Variants in ARHGAP12 observed in about 807,000 individuals in gnomAD.
ARHGAP12 encodes the protein Rho GTPase activating protein 12.
In ARHGAP12, 64 loss-of-function variants were observed where a neutral mutation model predicts 108.6. The ratio of observed to expected loss-of-function variants is 0.59; its 90% CI spans 0.48 to 0.73. ARHGAP12 has a LOEUF of 0.73. ARHGAP12 is among the 30% of genes least tolerant of loss of function. ARHGAP12 has a pLI of 0.00. For missense variants in ARHGAP12, 940 were observed against 1,005.9 expected (o/e 0.93, Z 0.89); for synonymous variants, 312 against 337.2 (o/e 0.93, Z 0.82).
Position 31,807,596 on chromosome 10 carries a change from G to T in ARHGAP12, c.*62C>A. On this transcript the variant is annotated 3_prime_UTR_variant, in exon 20 of 20. Coordinates refer to ENST00000344936, the MANE Select transcript of ARHGAP12 (RefSeq NM_018287.7). Reference sequence around the variant, plus strand: ...TGGTCCAAAAAATAAAATACATTGTGTATAAACATTTGAAATCTGATGGAA... The same window carrying T: ...TGGTCCAAAAAATAAAATACATTGTTTATAAACATTTGAAATCTGATGGAA... The T allele has an allele frequency of 6.6e-7, 1 of 1,507,730 alleles. No individual in the cohort carries two copies. The highest frequency in any genetic ancestry group is 8.9e-7 in the Non-Finnish European group (1 of 1,117,642). 93.4% of individuals were successfully genotyped at this position (1,507,730 alleles called of 1,614,324 possible).
intron 9 of ARHGAP12, among the ~76,000 whole-genome samples, chr10:31,833,332 A>AT (rs35256454): frequency 0.28 from 36,560 of 130,968 alleles, 4,754 homozygotes; most frequent in Middle Eastern, 0.32. Flanking sequence ...CTGAATTTGT[A>AT]TTAAAAAAAA....
rs77130176 is a variant in ARHGAP12 at position 31,924,335 on chromosome 10, T to C, written c.-111+4348A>G. ...ACTGTGGTACAATCCATCTCTAAAA[T>C]AGGAAACAGTACAAACCTCAAAAGA... On this transcript the variant is annotated intron_variant, in intron 1 of 19. Transcript: ENST00000344936. Among the ~76,000 whole-genome samples the C allele has an allele frequency of 9.2e-3, 1,400 of 152,048 alleles. 12 individuals carry two copies. Among genetic ancestry groups the C allele is most frequent in the African/African-American group, 0.032 (1,333 of 41,474 alleles).
chr10:31,892,549 C>A (rs868524167), intron 3 of ARHGAP12, among the ~76,000 whole-genome samples: 2 of 152,198 alleles, frequency 1.3e-5, no homozygotes, highest in Non-Finnish European at 2.9e-5. Context: ...ACAAGAAGAG[C>A]TAACTATCCT....
intron 11 of ARHGAP12, among the ~76,000 whole-genome samples, chr10:31,824,009 A>G (rs1156237868): frequency 6.6e-6 from 1 of 152,176 alleles, no homozygotes; most frequent in East Asian, 1.9e-4. Context: ...AGAGTTAAAG[A>G]GCATCTTGTA....
chr10:31,863,172 G>T (rs1326457168), intron 3 of ARHGAP12, among the ~76,000 whole-genome samples: 3 of 152,072 alleles, frequency 2.0e-5, no homozygotes, highest in African/African-American at 7.2e-5. Context: ...TAAAACGTTA[G>T]CTTCAAATTT....
At chr10:31,819,012 A>T (rs552994597) in intron 12 of ARHGAP12, among the ~76,000 whole-genome samples, 54 of 152,244 alleles carry the variant, frequency 3.5e-4, no homozygotes, top group Non-Finnish European at 2.6e-4. Context: ...CTGCTCTGTT[A>T]TAGGTTCTTA....
intron 3 of ARHGAP12, among the ~76,000 whole-genome samples, chr10:31,887,904 G>A (rs904009894): frequency 1.2e-4 from 18 of 152,052 alleles, no homozygotes; most frequent in Admixed American, 3.9e-4. Flanking sequence ...TGATCCGCCC[G>A]CCTCAGCCTC....
chr10:31,864,495 C>T (rs536152989), intron 3 of ARHGAP12, among the ~76,000 whole-genome samples: 2 of 152,250 alleles, frequency 1.3e-5, no homozygotes, highest in South Asian at 4.1e-4. Flanking sequence ...CCTATAGATT[C>T]CATAAATACA....
intron 13 of ARHGAP12, among the ~76,000 whole-genome samples, 158 bp from the exon 14 acceptor site, chr10:31,814,519 CT>C (rs1001136872): frequency 6.6e-6 from 1 of 152,138 alleles, no homozygotes; most frequent in African/African-American, 2.4e-5. Flanking sequence ...TTGATAAATA[CT>C]TTTTTTCTCC....
At chr10:31,853,922 G>A (rs2799019) in intron 5 of ARHGAP12, 144 bp downstream of exon 5, 404,047 of 835,044 alleles carry the variant, frequency 0.48, 99,730 homozygotes, top group Middle Eastern at 0.56. Context: ...CTGAGTTTTC[G>A]TATTGTCAAT....
intron 1 of ARHGAP12, among the ~76,000 whole-genome samples, chr10:31,924,327 C>T (rs1327454597): frequency 6.6e-6 from 1 of 152,166 alleles, no homozygotes; most frequent in Non-Finnish European, 1.5e-5. Flanking sequence ...TACAATCCAT[C>T]TCTAAAATAG....
At chr10:31,813,273 G>T (rs1053479863) in intron 14 of ARHGAP12, among the ~76,000 whole-genome samples, 5 of 152,002 alleles carry the variant, frequency 3.3e-5, no homozygotes, top group African/African-American at 1.2e-4. Context: ...CAAATATATA[G>T]AGATATAAAT....
At chr10:31,837,913 G>A (rs893434403) in intron 9 of ARHGAP12, among the ~76,000 whole-genome samples, 1 of 152,112 alleles carries the variant, frequency 6.6e-6, no homozygotes, top group Non-Finnish European at 1.5e-5. Flanking sequence ...ACTGTGGGAG[G>A]TAATGGGGTA....
rs746102504 is a variant in ARHGAP12, at chr10:31,843,522, T to C, written c.1235A>G (p.Gln412Arg). ...CCACTTTGTTAATACTATTGGTTCT[T>C]GCAGCCGCCTGTCCAGGCTCCTACT... is the stretch of plus-strand genomic sequence containing the variant. ...IKSRSLDRRL[Q>R]EPIVLTKWRH... The change falls in exon 7 of 20, where the codon CAA (glutamine) becomes CGA (arginine). Residue 412 changes from glutamine (Q) to arginine (R), a missense_variant. Transcript: ENST00000344936. 1.9e-6 allele frequency: 3 copies of C among 1,613,298 alleles called. No individual in the cohort carries two copies. Among genetic ancestry groups the C allele is most frequent in the South Asian group, 2.2e-5 (2 of 91,032 alleles).
rs1157991710 is a variant in ARHGAP12 at position 31,839,677 on chromosome 10, T to G, written c.1331A>C (p.Glu444Ala). The G allele has an allele frequency of 2.5e-6, 4 of 1,609,140 alleles. No homozygotes were observed. The highest frequency in any genetic ancestry group is 2.5e-6 in the Non-Finnish European group (3 of 1,176,848). The stretch of plus-strand genomic sequence containing the variant: ...TGGTGAGGAGGGAGAAGACTCATTT[T>G]CAGGAAAGCAGGGTTTTGAGGCAGT... Reference protein sequence around the residue: ...SPTASKPCFPENESSPSSPKH... With the variant: ...SPTASKPCFPANESSPSSPKH... The change falls in exon 8 of 20, where the codon GAA (glutamate) becomes GCA (alanine). Residue 444 changes from glutamate (E) to alanine (A), a missense_variant. By Grantham distance (107) the Glu-to-Ala change is moderately radical. Coordinates refer to ENST00000344936, the MANE Select transcript of ARHGAP12 (RefSeq NM_018287.7).
chr10:31,889,349 T>C (rs1032004395), intron 3 of ARHGAP12, among the ~76,000 whole-genome samples: 1 of 152,210 alleles, frequency 6.6e-6, no homozygotes, highest in Non-Finnish European at 1.5e-5. Flanking sequence ...TTTGATTAAA[T>C]AATGCTCTGC....
intron 13 of ARHGAP12, 37 bp downstream of exon 13, chr10:31,817,751 C>T (rs757140350): frequency 7.2e-7 from 1 of 1,394,334 alleles, no homozygotes; most frequent in Non-Finnish European, 9.8e-7. Context: ...AGAAAAACAG[C>T]TCTGAAGTAA....
At chr10:31,844,729 T>G (rs1347481525) in intron 6 of ARHGAP12, among the ~76,000 whole-genome samples, 1 of 147,298 alleles carries the variant, frequency 6.8e-6, no homozygotes, top group East Asian at 2.0e-4. Context: ...AGCCAAAGTC[T>G]CCCTAACCCC....
chr10:31,835,086 C>T (rs1469916686), intron 9 of ARHGAP12, among the ~76,000 whole-genome samples: 1 of 151,760 alleles, frequency 6.6e-6, no homozygotes, highest in Non-Finnish European at 1.5e-5. Flanking sequence ...GTAATCCCAA[C>T]TACTTGGGAG....
Sources: allele counts gnomAD v4.1 joint callset (sites outside exome capture counted in the v4.1 genomes callset), GRCh38; gene constraint gnomAD v4.1.1; transcripts MANE v1.5; gene names NCBI Gene and HGNC (gene_info 2026-07-23, HGNC 2026-07-21).